Variants in TXK observed in about 807,000 individuals in gnomAD.
TXK encodes tyrosine-protein kinase TXK.
Under a neutral mutation model 81.0 loss-of-function variants are expected in TXK, and 60 were observed. That is an observed-to-expected ratio of 0.74 (90% CI 0.60 to 0.92). The LOEUF is 0.92. Ranked by LOEUF, TXK falls within the 40% of genes least tolerant of loss-of-function variation. TXK has a pLI of 0.00. For synonymous variants in TXK, 203 were observed against 210.7 expected (o/e 0.96, Z 0.32); for missense variants, 581 against 638.3 (o/e 0.91, Z 0.97).
intron 6 of TXK, among the ~76,000 whole-genome samples, chr4:48,096,450 C>A (rs1370687879): frequency 1.3e-5 from 2 of 152,044 alleles, no homozygotes; most frequent in Admixed American, 1.3e-4. Flanking sequence ...GCAATAAAAC[C>A]AGAAATTAAT....
At chr4:48,126,238 C>T (rs1040160558) in intron 1 of TXK, among the ~76,000 whole-genome samples, 4 of 152,164 alleles carry the variant, frequency 2.6e-5, no homozygotes, top group Admixed American at 1.3e-4. Flanking sequence ...ATGAAGATGA[C>T]GAGGATGAAG....
At position 48,066,412 on chromosome 4, in the gene TXK, A is replaced by C. The variant is rs1716601700; in HGVS notation, c.*1225T>G. On this transcript the variant is annotated 3_prime_UTR_variant, in exon 15 of 15. Coordinates refer to ENST00000264316, the MANE Select transcript of TXK (RefSeq NM_003328.3). Reference sequence around the variant, plus strand: ...AACTGATTCTCATTAGAAATAATACACATTTATTGAATGTCATTGATATAT... The same window carrying C: ...AACTGATTCTCATTAGAAATAATACCCATTTATTGAATGTCATTGATATAT... The C allele has an allele frequency of 6.6e-6, 1 of 152,188 alleles. No individual in the cohort carries two copies. Among genetic ancestry groups the C allele is most frequent in the African/African-American group, 2.4e-5 (1 of 41,426 alleles). 9.4% of individuals were successfully genotyped at this position (152,188 alleles called of 1,614,324 possible).
Position 48,078,445 on chromosome 4 carries a change from G to A in TXK, c.1173+1467C>T, listed in dbSNP as rs546668729. Among the ~76,000 whole-genome samples the A allele has an allele frequency of 5.3e-5, 8 of 152,238 alleles. No individual in the cohort carries two copies. The East Asian group carries it at 1.2e-3, about 22-fold the overall frequency. ...AAGCACAGAATTACTTCCAAGGGGC[G>A]ATATCAGGGATTTCTCATAGACTTC... is the stretch of plus-strand genomic sequence containing the variant. On this transcript the variant is annotated intron_variant, in intron 11 of 14. Coordinates refer to ENST00000264316, the MANE Select transcript of TXK (RefSeq NM_003328.3).
At chr4:48,116,823 G>C (rs1718826046) in intron 1 of TXK, among the ~76,000 whole-genome samples, 2 of 152,334 alleles carry the variant, frequency 1.3e-5, no homozygotes, top group African/African-American at 2.4e-5. Flanking sequence ...GCAGAGAGTG[G>C]ACCGGCAGGG....
At chr4:48,129,077 A>C (rs1204277429) in intron 1 of TXK, among the ~76,000 whole-genome samples, 1 of 152,122 alleles carries the variant, frequency 6.6e-6, no homozygotes, top group Non-Finnish European at 1.5e-5. Flanking sequence ...CCCCACACCA[A>C]GGAGAGGGGA....
intron 11 of TXK, among the ~76,000 whole-genome samples, chr4:48,078,395 T>G (rs1426200955): frequency 6.6e-6 from 1 of 152,238 alleles, no homozygotes; most frequent in South Asian, 2.1e-4. Flanking sequence ...GTGAGTAATA[T>G]GATCACTTTG....
At position 48,080,126 on chromosome 4, in the gene TXK, T is replaced by G. The variant is rs891932684; in HGVS notation, c.959A>C (p.Lys320Thr). 1 of 1,611,382 alleles carries G rather than the reference T, an allele frequency of 6.2e-7. No individual in the cohort carries two copies. Among genetic ancestry groups the G allele is most frequent in the African/African-American group, 1.3e-5 (1 of 75,014 alleles). The change falls in exon 11 of 15, where the codon AAA becomes ACA. Residue 320 changes from lysine to threonine, a missense_variant and splice_region_variant. By Grantham distance (78) the Lys-to-Thr change is moderately conservative (BLOSUM62 -1). Coordinates refer to ENST00000264316, the MANE Select transcript of TXK (RefSeq NM_003328.3). ...DFIEEAKVMMKLSHSKLVQLY... is the reference protein window; with the variant it reads ...DFIEEAKVMMTLSHSKLVQLY... ...TTGCACTAGCTTTGAATGAGATAAT[T>G]TCCTGGTGAAGAAAAACATACACCA... is the stretch of plus-strand genomic sequence containing the variant.
chr4:48,100,943 T>C (rs919202996), intron 6 of TXK, among the ~76,000 whole-genome samples: 1 of 151,926 alleles, frequency 6.6e-6, no homozygotes, highest in African/African-American at 2.4e-5. Flanking sequence ...AAAATGTATA[T>C]AGTATGCTAT....
At chr4:48,090,469 T>A (rs973073578) in intron 8 of TXK, among the ~76,000 whole-genome samples, 4 of 152,228 alleles carry the variant, frequency 2.6e-5, no homozygotes, top group African/African-American at 9.6e-5. Context: ...AGACTTCATT[T>A]AATTGGGTTA....
intron 10 of TXK, among the ~76,000 whole-genome samples, chr4:48,083,110 C>A (rs1026154945): frequency 5.9e-5 from 9 of 152,198 alleles, no homozygotes; most frequent in African/African-American, 1.4e-4. Flanking sequence ...AAGCCATCTG[C>A]GGATCACAAG....
In TXK at chr4:48,074,077, T is replaced by G. The variant is rs41265725; in HGVS notation, c.1239-24A>C. The G allele has an allele frequency of 7.2e-3, 11,190 of 1,550,614 alleles. 59 individuals are homozygous for G. The highest frequency in any genetic ancestry group is 8.8e-3 in the Non-Finnish European group (9,882 of 1,123,364). On this transcript the variant is annotated intron_variant, in intron 12 of 14. Transcript: ENST00000264316. ...ACCTAAGTTTATCAGATTCAAAGCA[T>G]ATTGTGTTAATTACCTCCAAGCTCT...
chr4:48,132,878 G>A (rs1238128766), intron 1 of TXK, among the ~76,000 whole-genome samples: 3 of 152,002 alleles, frequency 2.0e-5, no homozygotes, highest in Non-Finnish European at 4.4e-5. Flanking sequence ...CCCAGGAGGT[G>A]GAGGTTGCAG....
rs1303430642 is a variant in TXK at position 48,066,664 on chromosome 4, TA to T, written c.*972del. 1 of 152,190 alleles carries T rather than the reference TA, an allele frequency of 6.6e-6. No homozygotes were observed. Among genetic ancestry groups the T allele is most frequent in the Admixed American group, 6.5e-5 (1 of 15,286 alleles). 9.4% of individuals were successfully genotyped at this position (152,190 alleles called of 1,614,324 possible). On this transcript the variant is annotated 3_prime_UTR_variant, in exon 15 of 15. Coordinates refer to ENST00000264316, the MANE Select transcript of TXK (RefSeq NM_003328.3). ...TGTACTCCTGAAGCACTCAGAATGATAAAGATAAATTTCTGATCATTCCTAC... is the reference window on the plus strand; with the variant it reads ...TGTACTCCTGAAGCACTCAGAATGATAAGATAAATTTCTGATCATTCCTAC...
At chr4:48,073,701 T>C (rs1242635547) in intron 13 of TXK, among the ~76,000 whole-genome samples, 1 of 152,226 alleles carries the variant, frequency 6.6e-6, no homozygotes, top group Non-Finnish European at 1.5e-5. Context: ...GTTATGGTTT[T>C]ATAGTGAGTG....
chr4:48,123,758 T>C (rs1719015360), intron 1 of TXK, among the ~76,000 whole-genome samples: 1 of 152,132 alleles, frequency 6.6e-6, no homozygotes, highest in South Asian at 2.1e-4. Flanking sequence ...CTCCTTCGAT[T>C]CACCCCATAT....
intron 5 of TXK, among the ~76,000 whole-genome samples, chr4:48,107,539 A>AT (rs897689741): frequency 2.0e-5 from 3 of 151,520 alleles, no homozygotes; most frequent in African/African-American, 7.3e-5. Context: ...AGTTTATTTT[A>AT]TTTTTTTTCT....
At chr4:48,084,501 C>G (rs1053877709) in intron 10 of TXK, among the ~76,000 whole-genome samples, 1 of 152,168 alleles carries the variant, frequency 6.6e-6, no homozygotes, top group Non-Finnish European at 1.5e-5. Context: ...TTTTAACTCT[C>G]CCTGAATAAC....
chr4:48,123,800 C>G (rs1448934099), intron 1 of TXK, among the ~76,000 whole-genome samples: 2 of 152,206 alleles, frequency 1.3e-5, no homozygotes, highest in Non-Finnish European at 2.9e-5. Context: ...CTTCAGCCAA[C>G]TGCTCTTCAT....
intron 11 of TXK, 59 bp from the exon 12 acceptor site, chr4:48,076,525 C>T: frequency 6.7e-7 from 1 of 1,486,466 alleles, no homozygotes; most frequent in Admixed American, 1.8e-5. Flanking sequence ...AAGAGTTTTT[C>T]CTCTCCTTTT....
Sources: gnomAD v4.1 joint callset for allele counts (sites outside exome capture counted in the v4.1 genomes callset) on GRCh38, gnomAD v4.1.1 for gene constraint, MANE v1.5 for transcripts, NCBI Gene and HGNC (gene_info 2026-07-23, HGNC 2026-07-21) for gene names.